Variants in TGIF1 observed in about 807,000 individuals in gnomAD.
TGIF1 encodes TGFB induced factor homeobox 1.
TGIF1 carries 4 observed loss-of-function variants against 19.3 expected under a neutral mutation model. The ratio of observed to expected loss-of-function variants is 0.21; its 90% CI spans 0.10 to 0.47. The LOEUF is 0.47. TGIF1 is among the 20% of genes least tolerant of loss of function. The pLI is 0.98. For missense variants in TGIF1, 275 were observed against 341.4 expected (o/e 0.81, Z 1.53); for synonymous variants, 122 against 129.3 (o/e 0.94, Z 0.38).
chr18:3,412,931 T>A (rs9944614), intron 1 of TGIF1: 1 of 152,152 alleles, frequency 6.6e-6, no homozygotes, highest in Non-Finnish European at 1.5e-5. Flanking sequence ...GACAGGAGGA[T>A]CTCTTGAGCT....
chr18:3,445,881 G>A (rs909171057), upstream of TGIF1, among the ~76,000 whole-genome samples: 39 of 150,426 alleles, frequency 2.6e-4, no homozygotes, highest in African/African-American at 9.1e-4. Context: ...GGCGTCCCTG[G>A]CATAATCTGA....
chr18:3,420,409 A>G (rs1472232364), intron 2 of TGIF1, among the ~76,000 whole-genome samples: 1 of 152,144 alleles, frequency 6.6e-6, no homozygotes, highest in East Asian at 1.9e-4. Context: ...TAATAAAACC[A>G]AACAAGAAAG....
rs763671284 is a variant in TGIF1, at chr18:3,452,049, G to A, written c.16+1544G>A. ...GCATTGTTCGGGCTCCGGCGGGGGC[G>A]GCTCTGATTCCTTTCCATGGCCCGC... On this transcript the variant is annotated intron_variant, in intron 1 of 2. Coordinates refer to ENST00000343820, the MANE Select transcript of TGIF1 (RefSeq NM_003244.4). 1.2e-5 allele frequency: 19 copies of A among 1,613,418 alleles called. No homozygotes were observed. The East Asian group carries it at 4.2e-4, about 36-fold the overall frequency.
chr18:3,439,090 A>T (rs1048901877), intron 2 of TGIF1, among the ~76,000 whole-genome samples: 1 of 152,166 alleles, frequency 6.6e-6, no homozygotes, highest in Non-Finnish European at 1.5e-5. Context: ...GCTTATCCAG[A>T]AGACATATGA....
chr18:3,449,281 C>T (rs2143288356), upstream of TGIF1: 1 of 509,662 alleles, frequency 2.0e-6, no homozygotes, highest in Non-Finnish European at 2.5e-6. Context: ...CCGAAACAGA[C>T]GAGCAGGCAC....
chr18:3,432,210 C>T (rs113943030), intron 2 of TGIF1, among the ~76,000 whole-genome samples: 2 of 150,854 alleles, frequency 1.3e-5, no homozygotes, highest in East Asian at 2.0e-4. Context: ...TGCACAGCCT[C>T]AATCTAATCA....
intron 2 of TGIF1, among the ~76,000 whole-genome samples, chr18:3,422,713 C>T (rs2082420872): frequency 1.0e-5 from 1 of 99,890 alleles, no homozygotes; most frequent in Non-Finnish European, 1.9e-5. Context: ...TTTTTTGAGA[C>T]AGAGTCTGGC....
At chr18:3,450,704 T>G (rs531397153) in intron 1 of TGIF1, among the ~76,000 whole-genome samples, 199 bp downstream of exon 1, 1 of 152,300 alleles carries the variant, frequency 6.6e-6, no homozygotes, top group South Asian at 2.1e-4. Flanking sequence ...GAGGGGCTGT[T>G]GTGGGGCGAG....
At position 3,450,479 on chromosome 18, in the gene TGIF1, G is replaced by A. The variant is rs554701718; in HGVS notation, c.-11G>A. On this transcript the variant is annotated 5_prime_UTR_variant, in exon 1 of 3. Transcript: ENST00000343820. ...CCCCGCCTTGCCTCGCGCTGGGAGGGGAGATCCAGAATGAAAGGCAAGAAA... is the reference window on the plus strand; with the variant it reads ...CCCCGCCTTGCCTCGCGCTGGGAGGAGAGATCCAGAATGAAAGGCAAGAAA... 69 of 1,559,720 alleles carry A rather than the reference G, an allele frequency of 4.4e-5. No homozygotes were observed. In the African/African-American group the frequency reaches 8.7e-4, roughly 20 times the overall value.
intron 2 of TGIF1, among the ~76,000 whole-genome samples, chr18:3,425,795 T>C (rs1362652232): frequency 6.6e-6 from 1 of 152,186 alleles, no homozygotes; most frequent in Admixed American, 6.6e-5. Context: ...CAGCATCGTG[T>C]CAACTGAACT....
Position 3,450,251 on chromosome 18 carries a change from G to A in TGIF1, c.-239G>A. On this transcript the variant is annotated 5_prime_UTR_variant, in exon 1 of 3. Transcript: ENST00000343820. ...GGGGAGGGGAGAGAGTTGGGCGAGG[G>A]AGAGCCCCCGGCCGGCTGCCAGAAG... 1 of 1,429,822 alleles carries A rather than the reference G, an allele frequency of 7.0e-7. No individual in the cohort carries two copies. Among genetic ancestry groups the A allele is most frequent in the Non-Finnish European group, 9.1e-7 (1 of 1,096,230 alleles). The allele number at this position is 1,429,822 out of a possible 1,614,324, so 88.6% of individuals were successfully genotyped here. A position where few individuals can be genotyped will look rare whatever the true frequency, so the allele number is the denominator to read the frequency against.
chr18:3,456,509 C>A lies in TGIF1; in HGVS notation c.172C>A (p.Arg58Ser), dbSNP rs749217690. 1 of 1,614,104 alleles carries A rather than the reference C, an allele frequency of 6.2e-7. No homozygotes were observed. The highest frequency in any genetic ancestry group is 1.3e-5 in the African/African-American group (1 of 74,940). The part of the protein sequence containing the change: ...QILRDWLYEH[R>S]YNAYPSEQEK... The stretch of plus-strand genomic sequence containing the variant: ...TCTTCGGGATTGGCTGTATGAGCAC[C>A]GTTACAATGCCTATCCTTCAGAGCA... Residue 58 changes from arginine (R) to serine (S), a missense_variant, in exon 2 of 3, where the codon CGT (arginine) becomes AGT (serine). Coordinates refer to ENST00000343820, the MANE Select transcript of TGIF1 (RefSeq NM_003244.4). This position sits in a 1 kb window ranked among gnomAD's most constrained non-coding sequence, Gnocchi z 4.2.
intron 2 of TGIF1, among the ~76,000 whole-genome samples, chr18:3,436,064 T>C (rs2082611101): frequency 6.6e-6 from 1 of 152,242 alleles, no homozygotes; most frequent in South Asian, 2.1e-4. Context: ...CTACTCATTT[T>C]TTCTCTTCCT....
At chr18:3,413,025 C>G (rs1243564019) in intron 1 of TGIF1, 2 of 152,150 alleles carry the variant, frequency 1.3e-5, no homozygotes, top group African/African-American at 4.8e-5. Flanking sequence ...CCCCAAACAC[C>G]AAAAACCTCA....
chr18:3,426,002 C>T (rs1401157066), intron 2 of TGIF1, among the ~76,000 whole-genome samples: 2 of 152,038 alleles, frequency 1.3e-5, no homozygotes, highest in East Asian at 1.9e-4. Flanking sequence ...ACAGCAGCAT[C>T]CTACGTTGTG....
chr18:3,414,410 A>G (rs1244640062), intron 1 of TGIF1, among the ~76,000 whole-genome samples: 6 of 152,242 alleles, frequency 3.9e-5, no homozygotes, highest in African/African-American at 1.4e-4. Context: ...AGGCCACTCT[A>G]GCATGATCCA....
At chr18:3,425,804 C>T (rs896705797) in intron 2 of TGIF1, among the ~76,000 whole-genome samples, 2 of 152,166 alleles carry the variant, frequency 1.3e-5, no homozygotes, top group African/African-American at 4.8e-5. Flanking sequence ...GTCAACTGAA[C>T]TCTTTCTTGA....
At chr18:3,435,572 T>G (rs1231573498) in intron 2 of TGIF1, among the ~76,000 whole-genome samples, 1 of 152,148 alleles carries the variant, frequency 6.6e-6, no homozygotes, top group Non-Finnish European at 1.5e-5. Flanking sequence ...CCTCAACTGT[T>G]GCCACATAGT....
At chr18:3,449,294 C>A, upstream of TGIF1, 1 of 633,348 alleles carries the variant, frequency 1.6e-6, no homozygotes, top group Non-Finnish European at 2.0e-6. Context: ...GCAGGCACGG[C>A]GTGGTCACCC....
Sources: allele counts gnomAD v4.1 joint callset (sites outside exome capture counted in the v4.1 genomes callset), GRCh38; gene constraint gnomAD v4.1.1; non-coding constraint Gnocchi (gnomAD v3.1); transcripts MANE v1.5; gene names NCBI Gene and HGNC (gene_info 2026-07-23, HGNC 2026-07-21).